The following SCUBE1 variants were observed in gnomAD, a reference collection of about 807,000 sequenced individuals.
The protein encoded by SCUBE1 is signal peptide, CUB domain and EGF like domain containing 1, also known as signal peptide, CUB and EGF-like domain-containing protein 1.
SCUBE1 carries 59 observed loss-of-function variants against 124.4 expected under a neutral mutation model. The observed-to-expected ratio is 0.47, with a 90% CI of 0.38 to 0.59. SCUBE1 has a LOEUF of 0.59. Ranked by LOEUF, SCUBE1 falls within the 20% of genes least tolerant of loss-of-function variation. SCUBE1 has a pLI of 0.00. For missense variants in SCUBE1, 1,150 were observed against 1,371.2 expected (o/e 0.84, Z 2.55); for synonymous variants, 545 against 550.9 (o/e 0.99, Z 0.15).
rs1031525413 is a variant in SCUBE1, at chr22:43,255,784, CG to C, written c.727+2434del. Among the ~76,000 whole-genome samples the C allele has an allele frequency of 6.6e-6, 1 of 151,208 alleles. No homozygotes were observed. The highest frequency in any genetic ancestry group is 2.4e-5 in the African/African-American group (1 of 41,148). On this transcript the variant is annotated intron_variant, in intron 6 of 21. Transcript: ENST00000360835. This position sits in a 1 kb window ranked among gnomAD's most constrained non-coding sequence, Gnocchi z 4.7. ...AGCAGAGAGGCAGCGAGGGCGGGGG[CG>C]GGGGGACGTGCAGGAAAGGAGGAAT...
At chr22:43,232,853 T>C (rs1234861692) in intron 7 of SCUBE1, among the ~76,000 whole-genome samples, 1 of 152,224 alleles carries the variant, frequency 6.6e-6, no homozygotes, top group Non-Finnish European at 1.5e-5. Flanking sequence ...CATCTGGGCT[T>C]TGCCCTTAGG....
At chr22:43,286,080 G>A (rs1925129222) in intron 4 of SCUBE1, among the ~76,000 whole-genome samples, 1 of 152,240 alleles carries the variant, frequency 6.6e-6, no homozygotes, top group African/African-American at 2.4e-5. Flanking sequence ...CGGCCGGCTT[G>A]TTGTGGGGCC....
intron 12 of SCUBE1, among the ~76,000 whole-genome samples, chr22:43,222,066 AAAT>A (rs534666009): frequency 1.3e-5 from 2 of 152,022 alleles, no homozygotes; most frequent in Non-Finnish European, 1.5e-5. Context: ...TCCGTTTTAA[AAAT>A]AATAATAATA....
intron 3 of SCUBE1, among the ~76,000 whole-genome samples, chr22:43,314,206 AG>A (rs1452702629): frequency 1.3e-5 from 2 of 152,234 alleles, no homozygotes; most frequent in African/African-American, 2.4e-5. Context: ...AACCTTGTGC[AG>A]GAAGCTTTGT....
intron 3 of SCUBE1, among the ~76,000 whole-genome samples, chr22:43,310,115 C>A (rs1473177023): frequency 6.6e-6 from 1 of 152,162 alleles, no homozygotes; most frequent in Non-Finnish European, 1.5e-5. Context: ...CCTGCCTGAC[C>A]CAGCCCCGGC....
chr22:43,288,277 G>A (rs1925224442), intron 4 of SCUBE1, among the ~76,000 whole-genome samples: 1 of 152,086 alleles, frequency 6.6e-6, no homozygotes, highest in Non-Finnish European at 1.5e-5. Context: ...TGAGCCATGT[G>A]TGCCCAGGGT....
intron 6 of SCUBE1, among the ~76,000 whole-genome samples, chr22:43,247,448 T>C (rs888346340): frequency 7.2e-5 from 11 of 152,158 alleles, no homozygotes; most frequent in Non-Finnish European, 1.3e-4. Flanking sequence ...CAACCACGGA[T>C]TTCTCTGCTC....
intron 15 of SCUBE1, among the ~76,000 whole-genome samples, chr22:43,214,899 G>A (rs1434376704): frequency 6.6e-6 from 1 of 152,200 alleles, no homozygotes. Context: ...TTACAAATGC[G>A]GAAATGGGGA....
chr22:43,224,912 T>C (rs1334578448), intron 10 of SCUBE1, among the ~76,000 whole-genome samples: 1 of 152,204 alleles, frequency 6.6e-6, no homozygotes, highest in Non-Finnish European at 1.5e-5. Context: ...TCCTGGTAAA[T>C]GGCAAACTGC....
Position 43,204,086 on chromosome 22 carries a change from T to C in SCUBE1, c.2878A>G (p.Thr960Ala). 1 of 1,614,036 alleles carries C rather than the reference T, an allele frequency of 6.2e-7. No homozygotes were observed. The highest frequency in any genetic ancestry group is 8.5e-7 in the Non-Finnish European group (1 of 1,180,000). The change falls in exon 22 of 22, where the codon ACA (threonine) becomes GCA (alanine). Residue 960 changes from threonine to alanine, a missense_variant. Coordinates refer to ENST00000360835, the MANE Select transcript of SCUBE1 (RefSeq NM_173050.5). ...LAHPQNYFKYTAQESKEMFPR... is the reference protein window; with the variant it reads ...LAHPQNYFKYAAQESKEMFPR... ...AACATCTCCTTGGATTCCTGGGCTGTGTACTTGAAGTAGTTCTGGGGATGC... is the reference window on the plus strand; with the variant it reads ...AACATCTCCTTGGATTCCTGGGCTGCGTACTTGAAGTAGTTCTGGGGATGC...
intron 6 of SCUBE1, among the ~76,000 whole-genome samples, chr22:43,240,805 G>A (rs888871898): frequency 2.6e-5 from 4 of 151,912 alleles, no homozygotes; most frequent in Admixed American, 6.6e-5. Flanking sequence ...TCCCACGCCC[G>A]AATCCAGGAG....
rs367851313 is a variant in SCUBE1, at chr22:43,268,267, A to T, written c.485-5422T>A. On this transcript the variant is annotated intron_variant, in intron 4 of 21. Transcript: ENST00000360835. ...CTCCTGTGGCTCCCGGATTTGTGTC[A>T]CGTCTGCTCTTGGGAGCCATAGGAC... 1.9e-4 allele frequency among the ~76,000 whole-genome samples: 29 copies of T among 152,334 alleles called. No homozygotes were observed. In the South Asian group the frequency reaches 5.4e-3, roughly 28 times the overall value.
At chr22:43,240,213 CA>C (rs1010197143) in intron 6 of SCUBE1, among the ~76,000 whole-genome samples, 3 of 152,142 alleles carry the variant, frequency 2.0e-5, no homozygotes, top group Non-Finnish European at 2.9e-5. Flanking sequence ...CTGCGGCTGC[CA>C]GTGGAAGGTG....
At chr22:43,267,343 G>A (rs1924111644) in intron 4 of SCUBE1, among the ~76,000 whole-genome samples, 4 of 152,190 alleles carry the variant, frequency 2.6e-5, no homozygotes, top group Admixed American at 2.6e-4. Context: ...AGGGAGCAAG[G>A]AAGGAAGAAG....
intron 1 of SCUBE1, among the ~76,000 whole-genome samples, chr22:43,342,751 T>A (rs1232716394): frequency 2.6e-5 from 4 of 151,502 alleles, no homozygotes; most frequent in Non-Finnish European, 5.9e-5. Context: ...CCCGTCCCGG[T>A]CTCTCGGTCC....
At chr22:43,340,797 G>C (rs1927288619) in intron 1 of SCUBE1, among the ~76,000 whole-genome samples, 1 of 152,184 alleles carries the variant, frequency 6.6e-6, no homozygotes, top group Non-Finnish European at 1.5e-5. Context: ...GAGTGCAGCA[G>C]TGCAAGGAAC....
At chr22:43,264,507 G>A (rs1474588516) in intron 4 of SCUBE1, among the ~76,000 whole-genome samples, 2 of 152,216 alleles carry the variant, frequency 1.3e-5, no homozygotes, top group African/African-American at 4.8e-5. Context: ...AACCTTCCCA[G>A]GCTACTGAGA....
chr22:43,250,624 T>C (rs1054430647), intron 6 of SCUBE1, among the ~76,000 whole-genome samples: 4 of 152,152 alleles, frequency 2.6e-5, no homozygotes, highest in African/African-American at 9.7e-5. Flanking sequence ...CCAGCTGCCT[T>C]TCTGTGCCCC....
chr22:43,286,678 G>C (rs1000823887), intron 4 of SCUBE1, among the ~76,000 whole-genome samples: 1 of 152,194 alleles, frequency 6.6e-6, no homozygotes, highest in Admixed American at 6.5e-5. Context: ...GAACTCTTAG[G>C]ACCCCTACTT....
Sources: gnomAD v4.1 joint callset for allele counts (sites outside exome capture counted in the v4.1 genomes callset) on GRCh38, gnomAD v4.1.1 for gene constraint, Gnocchi (gnomAD v3.1) non-coding constraint, MANE v1.5 for transcripts, NCBI Gene and HGNC (gene_info 2026-07-23, HGNC 2026-07-21) for gene names.